The following ARCN1 variants were observed in gnomAD, a reference collection of about 807,000 sequenced individuals.
ARCN1 encodes the protein archain 1 coat protein complex I subunit delta.
Under a neutral mutation model 60.4 loss-of-function variants are expected in ARCN1, and 5 were observed. The observed-to-expected ratio is 0.08, with a 90% CI of 0.04 to 0.17. The LOEUF (loss-of-function observed/expected upper bound fraction) is 0.17. Ranked by LOEUF, ARCN1 falls within the 10% of genes least tolerant of loss-of-function variation. ARCN1 has a pLI of 1.00. For synonymous variants in ARCN1, 224 were observed against 220.0 expected, an observed-to-expected ratio of 1.02 and a Z score of -0.16; for missense variants, 464 against 626.5, an observed-to-expected ratio of 0.74 and a Z score of 2.77.
intron 2 of ARCN1, among the ~76,000 whole-genome samples, chr11:118,581,869 A>G (rs1013286821): frequency 6.6e-6 from 1 of 151,370 alleles, no homozygotes; most frequent in South Asian, 2.1e-4. Flanking sequence ...CTAAGACTTT[A>G]TGCCAAAGTC....
chr11:118,587,802 ACTT>A, intron 5 of ARCN1, among the ~76,000 whole-genome samples: 1 of 152,260 alleles, frequency 6.6e-6, no homozygotes, highest in East Asian at 1.9e-4. Flanking sequence ...GACTTTCAGA[ACTT>A]CTTACTGACC....
intron 8 of ARCN1, 95 bp from the exon 9 acceptor site, chr11:118,597,612 A>G: frequency 6.9e-7 from 1 of 1,440,888 alleles, no homozygotes; most frequent in Non-Finnish European, 9.4e-7. Context: ...CTAGAAGGCA[A>G]AATTTGGGGA....
intron 9 of ARCN1, 104 bp downstream of exon 9, chr11:118,598,015 C>A: frequency 1.7e-6 from 2 of 1,152,978 alleles, no homozygotes; most frequent in Non-Finnish European, 1.2e-6. Flanking sequence ...TCAGATAAAG[C>A]TCAGAAAAAA....
Position 118,584,018 on chromosome 11 carries a change from T to G in ARCN1, c.653+4T>G. 1 of 1,613,634 alleles carries G rather than the reference T, an allele frequency of 6.2e-7. No individual in the cohort carries two copies. Among genetic ancestry groups the G allele is most frequent in the Non-Finnish European group, 8.5e-7 (1 of 1,179,642 alleles). ...AAGTGGCACCTGCACCAGCCAGGTA[T>G]AATCCAGTGTACTTTAGAATACCAG... On this transcript the variant is annotated splice_donor_region_variant and intron_variant, in intron 4 of 9. Coordinates refer to ENST00000264028, the MANE Select transcript of ARCN1 (RefSeq NM_001655.5).
At chr11:118,593,391 C>CTTTTTTTTT (rs57568260) in intron 7 of ARCN1, among the ~76,000 whole-genome samples, 199 bp from the exon 8 acceptor site, 20 of 121,004 alleles carry the variant, frequency 1.7e-4, no homozygotes, top group African/African-American at 5.8e-4. Flanking sequence ...CCACGCCTGG[C>CTTTTTTTTT]TTTTTTTTTT....
intron 9 of ARCN1, among the ~76,000 whole-genome samples, chr11:118,598,670 T>C (rs954297653): frequency 2.0e-5 from 3 of 151,966 alleles, no homozygotes; most frequent in African/African-American, 7.3e-5. Flanking sequence ...AATTTTTGTA[T>C]ATTTGGTAGA....
intron 1 of ARCN1, among the ~76,000 whole-genome samples, chr11:118,578,945 A>C (rs964004605): frequency 7.3e-6 from 1 of 137,562 alleles, no homozygotes; most frequent in Non-Finnish European, 1.5e-5. Flanking sequence ...AAGTGGCATA[A>C]ATTTTTTTCA....
intron 8 of ARCN1, among the ~76,000 whole-genome samples, 180 bp from the exon 9 acceptor site, chr11:118,597,527 C>G (rs1436036548): frequency 6.6e-6 from 1 of 151,590 alleles, no homozygotes; most frequent in Non-Finnish European, 1.5e-5. Flanking sequence ...GAGTGAAACT[C>G]TTAGCCCAAG....
intron 6 of ARCN1, among the ~76,000 whole-genome samples, chr11:118,592,499 T>C (rs1243036778): frequency 1.3e-5 from 2 of 152,192 alleles, no homozygotes; most frequent in East Asian, 3.9e-4. Context: ...GAAATTAGCT[T>C]TTTTTTTAAA....
At chr11:118,591,777 C>T (rs554131584) in intron 6 of ARCN1, among the ~76,000 whole-genome samples, 4 of 149,752 alleles carry the variant, frequency 2.7e-5, no homozygotes, top group Admixed American at 2.0e-4. Context: ...CTCTGTCATG[C>T]GGGCTGGAGT....
chr11:118,577,834 C>G (rs1377520198), intron 1 of ARCN1, among the ~76,000 whole-genome samples: 1 of 152,064 alleles, frequency 6.6e-6, no homozygotes, highest in African/African-American at 2.4e-5. Flanking sequence ...TTACCAGTAC[C>G]TATAATTAGT....
intron 5 of ARCN1, among the ~76,000 whole-genome samples, chr11:118,588,279 G>C (rs1938819628): frequency 6.6e-6 from 1 of 152,188 alleles, no homozygotes; most frequent in Non-Finnish European, 1.5e-5. Context: ...TCTTCCTCCA[G>C]GATATGGTGC....
Position 118,600,904 on chromosome 11 carries a change from A to G in ARCN1, c.*190A>G. 1 of 441,438 alleles carries G rather than the reference A, an allele frequency of 2.3e-6. No individual in the cohort carries two copies. The highest frequency in any genetic ancestry group is 4.0e-6 in the Non-Finnish European group (1 of 247,360). 27.3% of individuals were successfully genotyped at this position (441,438 alleles called of 1,614,324 possible). A position where few individuals can be genotyped will look rare whatever the true frequency, so the allele number is the denominator to read the frequency against. ...CAGTGTCACAGAGACATTCTTTGAT[A>G]AGGAAATGGCACAAACATAAAGGGA... On this transcript the variant is annotated 3_prime_UTR_variant, in exon 10 of 10. Coordinates refer to ENST00000264028, the MANE Select transcript of ARCN1 (RefSeq NM_001655.5).
At chr11:118,574,995 T>C (rs1434642824) in intron 1 of ARCN1, among the ~76,000 whole-genome samples, 1 of 152,164 alleles carries the variant, frequency 6.6e-6, no homozygotes, top group African/African-American at 2.4e-5. Context: ...TTGTTTGGTT[T>C]TCGAGACGGA....
At chr11:118,584,702 A>C in intron 5 of ARCN1, 58 bp downstream of exon 5, 2 of 1,414,622 alleles carry the variant, frequency 1.4e-6, no homozygotes, top group Non-Finnish European at 1.9e-6. Context: ...ATAATTTTTT[A>C]AAAATCTTAT....
chr11:118,590,677 G>A (rs554660722), intron 6 of ARCN1, among the ~76,000 whole-genome samples, 171 bp downstream of exon 6: 1 of 152,324 alleles, frequency 6.6e-6, no homozygotes, highest in South Asian at 2.1e-4. Flanking sequence ...CTACCTGAGA[G>A]TGAGTAAAGC....
chr11:118,600,444 C>T (rs897511860), intron 9 of ARCN1, among the ~76,000 whole-genome samples, 181 bp from the exon 10 acceptor site: 3 of 152,186 alleles, frequency 2.0e-5, no homozygotes, highest in African/African-American at 7.2e-5. Flanking sequence ...GCAGCTTAAT[C>T]ATTTTGGTGG....
intron 1 of ARCN1, chr11:118,573,922 C>G (rs1422841545): frequency 4.5e-6 from 2 of 448,766 alleles, no homozygotes; most frequent in Non-Finnish European, 7.9e-6. Context: ...CCGTTTACAC[C>G]CTGGAATTAA....
chr11:118,584,716 A>G, intron 5 of ARCN1, 72 bp downstream of exon 5: 1 of 1,310,980 alleles, frequency 7.6e-7, no homozygotes, highest in Admixed American at 2.6e-5. Flanking sequence ...ATCTTATTTC[A>G]GTGTGCTATA....
Sources: gnomAD v4.1 joint callset for allele counts (sites outside exome capture counted in the v4.1 genomes callset) on GRCh38, gnomAD v4.1.1 for gene constraint, MANE v1.5 for transcripts, NCBI Gene and HGNC (gene_info 2026-07-23, HGNC 2026-07-21) for gene names.